METTL22: variants seen among roughly 807,000 people sequenced by gnomAD.
METTL22 encodes methyltransferase 22, Kin17 lysine, also known as methyltransferase-like protein 22.
In METTL22, 51 loss-of-function variants were observed where a neutral mutation model predicts 48.4. The ratio of observed to expected loss-of-function variants is 1.05; its 90% CI spans 0.84 to 1.33. The LOEUF is 1.33. Among genes scored for constraint, METTL22 ranks in the 40% most tolerant of loss-of-function variants. METTL22 has a pLI of 0.00. For missense variants in METTL22, 678 were observed against 526.9 expected (o/e 1.29, Z -2.81); for synonymous variants, 255 against 214.1 (o/e 1.19, Z -1.67).
In METTL22 at chr16:8,641,183, A is replaced by G; in HGVS notation, c.825A>G (p.Thr275=). The change falls in exon 7 of 11, where the codon ACA becomes ACG. Residue 275 remains threonine (T), a splice_region_variant and synonymous_variant. Transcript: ENST00000381920. ...ELDWLKDDLC[T]DPKVPFSWSQ... ...ACTGGCTGAAGGACGACCTCTGCAC[A>G]GGTGTGTGTTTCTCTCGGACGTCCC... 1 of 1,613,942 alleles carries G rather than the reference A, an allele frequency of 6.2e-7. No individual in the cohort carries two copies. Among genetic ancestry groups the G allele is most frequent in the African/African-American group, 1.3e-5 (1 of 75,008 alleles).
At chr16:8,655,634 C>G in the METTL22 span, among the ~76,000 whole-genome samples, 1 of 152,170 alleles carries the variant, frequency 6.6e-6, no homozygotes, top group East Asian at 1.9e-4. Flanking sequence ...TCACTGGGGA[C>G]CATCTCAGAG....
At chr16:8,656,313 C>T in the METTL22 span, among the ~76,000 whole-genome samples, 1 of 152,196 alleles carries the variant, frequency 6.6e-6, no homozygotes, top group Non-Finnish European at 1.5e-5. Flanking sequence ...CAGGATGCCA[C>T]TTCCAGGGAT....
Position 8,648,105 on chromosome 16 carries a change from A to G in METTL22, c.*1962A>G, listed in dbSNP as rs1387762814. The G allele has an allele frequency of 1.3e-5, 2 of 152,208 alleles. No homozygotes were observed. The highest frequency in any genetic ancestry group is 2.1e-4 in the South Asian group (1 of 4,828). The allele number at this position is 152,208 out of a possible 1,614,324, so 9.4% of individuals were successfully genotyped here. A position where few individuals can be genotyped will look rare whatever the true frequency, so the allele number is the denominator to read the frequency against. On this transcript the variant is annotated 3_prime_UTR_variant, in exon 11 of 11. Transcript: ENST00000381920. ...TTGGGAGGCCAAGGCAGGAGGATCA[A>G]TTAAGGCCAGGAGTTCAACCAGCCT...
intron 9 of METTL22, chr16:8,642,769 C>T (rs894451503): frequency 2.3e-5 from 14 of 611,174 alleles, no homozygotes; most frequent in African/African-American, 7.4e-5. Context: ...GCGCTGCTGT[C>T]CCACTTGACT....
At chr16:8,652,184 C>T (rs778846000), downstream of METTL22, among the ~76,000 whole-genome samples, 7 of 152,048 alleles carry the variant, frequency 4.6e-5, no homozygotes, top group Non-Finnish European at 7.4e-5. Flanking sequence ...GTAGGCCGGG[C>T]GCGGTGGCTC....
downstream of METTL22, among the ~76,000 whole-genome samples, chr16:8,651,716 C>G (rs147888970): frequency 6.6e-5 from 10 of 152,172 alleles, no homozygotes; most frequent in Non-Finnish European, 1.3e-4. Context: ...TTTCAGGTTC[C>G]GTGTTGTACA....
chr16:8,626,517 C>T (rs561015077), intron 2 of METTL22, among the ~76,000 whole-genome samples: 5 of 149,854 alleles, frequency 3.3e-5, no homozygotes, highest in Admixed American at 1.3e-4. Context: ...GGCGCGACCT[C>T]GGCTCACTGC....
intron 7 of METTL22, 172 bp from the exon 8 acceptor site, chr16:8,641,955 C>T: frequency 1.6e-6 from 1 of 636,090 alleles, no homozygotes. Flanking sequence ...ACTCTGCACC[C>T]GGGCAGCAGT....
At position 8,635,068 on chromosome 16, in the gene METTL22, G is replaced by A. The variant is rs1183649355; in HGVS notation, c.544G>A (p.Val182Ile). 1.2e-6 allele frequency: 2 copies of A among 1,613,790 alleles called. No homozygotes were observed. Among genetic ancestry groups the A allele is most frequent in the African/African-American group, 2.7e-5 (2 of 74,906 alleles). The change falls in exon 4 of 11, where the codon GTT becomes ATT. Residue 182 changes from valine to isoleucine, a missense_variant. Coordinates refer to ENST00000381920, the MANE Select transcript of METTL22 (RefSeq NM_024109.4). The stretch of plus-strand genomic sequence containing the variant: ...CACCATGGCCACGCCCCTGGAGGAT[G>A]TTGGCAAGCAGGTGGGTAGGTCTTG... ...EHTMATPLED[V>I]GKQVWRGALL...
At position 8,646,143 on chromosome 16, in the gene METTL22, A is replaced by T. The variant is rs866100621; in HGVS notation, c.1215A>T (p.Ter405CysextTer18). ...AGATCATCGCAGAACCAGTAACATG[A>T]CCCATCGCCTCCACAAGGCGCGGCG... ...LWKIIAEPVT[*>C] The change falls in exon 11 of 11, where the codon TGA becomes TGT. Residue 405 changes from the stop codon to cysteine (C), a stop_lost. Transcript: ENST00000381920. 1.9e-6 allele frequency: 3 copies of T among 1,581,566 alleles called. No homozygotes were observed. The highest frequency in any genetic ancestry group is 2.6e-6 in the Non-Finnish European group (3 of 1,167,610).
At chr16:8,623,410 C>G (rs1335245012) in intron 1 of METTL22, among the ~76,000 whole-genome samples, 1 of 152,148 alleles carries the variant, frequency 6.6e-6, no homozygotes, top group East Asian at 1.9e-4. Context: ...TTCCCCACCC[C>G]CTTCAAAAAA....
chr16:8,643,992 G>A (rs1163357562), intron 9 of METTL22, among the ~76,000 whole-genome samples: 1 of 152,224 alleles, frequency 6.6e-6, no homozygotes, highest in African/African-American at 2.4e-5. Context: ...AAAAGGCAAA[G>A]AGCTTTAATT....
intron 10 of METTL22, 93 bp from the exon 11 acceptor site, chr16:8,646,015 A>T (rs1567249093): frequency 1.0e-5 from 16 of 1,579,318 alleles, no homozygotes; most frequent in African/African-American, 1.4e-5. Flanking sequence ...GTGTTGTCTA[A>T]CTACTCTCCT....
At chr16:8,637,332 T>G (rs1253872183) in intron 5 of METTL22, among the ~76,000 whole-genome samples, 2 of 152,180 alleles carry the variant, frequency 1.3e-5, no homozygotes, top group Admixed American at 1.3e-4. Flanking sequence ...TCATGTAAAT[T>G]ATCAGTGAGC....
the METTL22 span, among the ~76,000 whole-genome samples, chr16:8,659,729 C>CTTT: frequency 2.7e-5 from 4 of 147,838 alleles, no homozygotes; most frequent in African/African-American, 9.9e-5. Flanking sequence ...AAGGACTTCG[C>CTTT]TTTTTTTTTT....
intron 1 of METTL22, 46 bp downstream of exon 1, chr16:8,621,821 C>A (rs1471002587): frequency 6.6e-6 from 1 of 152,258 alleles, no homozygotes; most frequent in Non-Finnish European, 1.5e-5. Context: ...GTGCAGGGAA[C>A]CTCCTGGCGC....
chr16:8,638,774 C>T (rs1461603729), intron 5 of METTL22, among the ~76,000 whole-genome samples: 1 of 152,154 alleles, frequency 6.6e-6, no homozygotes, highest in African/African-American at 2.4e-5. Flanking sequence ...TCCTGTGTGG[C>T]CATAAACATG....
chr16:8,637,719 G>A (rs1351510489), intron 5 of METTL22, among the ~76,000 whole-genome samples: 2 of 152,224 alleles, frequency 1.3e-5, no homozygotes, highest in South Asian at 2.1e-4. Flanking sequence ...CAAGCTGGCC[G>A]AGGGATGCTG....
rs777125194 is a variant in METTL22, at chr16:8,646,184, G to C, written c.*41G>C. ...AGGCGCGGCGTCTCGACTGTTCTTA[G>C]AGTGTATTTCTAGTAAAATCAGAAG... On this transcript the variant is annotated 3_prime_UTR_variant, in exon 11 of 11. Coordinates refer to ENST00000381920, the MANE Select transcript of METTL22 (RefSeq NM_024109.4). The C allele has an allele frequency of 2.5e-6, 4 of 1,611,222 alleles. No individual in the cohort carries two copies. Among genetic ancestry groups the C allele is most frequent in the East Asian group, 2.2e-5 (1 of 44,870 alleles).
Sources: allele counts gnomAD v4.1 joint callset (sites outside exome capture counted in the v4.1 genomes callset), GRCh38; gene constraint gnomAD v4.1.1; transcripts MANE v1.5; gene names NCBI Gene and HGNC (gene_info 2026-07-23, HGNC 2026-07-21).